The following DPF3 variants were observed in gnomAD, a reference collection of about 807,000 sequenced individuals.
DPF3 encodes zinc finger protein DPF3.
Under a neutral mutation model 56.8 loss-of-function variants are expected in DPF3, and 18 were observed. The ratio of observed to expected loss-of-function variants is 0.32; its 90% CI spans 0.22 to 0.47. The LOEUF is 0.47. Ranked by LOEUF, DPF3 falls within the 20% of genes least tolerant of loss-of-function variation. The pLI is 1.00. For synonymous variants in DPF3, 188 were observed against 180.2 expected (o/e 1.04, Z -0.35); for missense variants, 403 against 488.8 (o/e 0.82, Z 1.65).
intron 1 of DPF3, among the ~76,000 whole-genome samples, chr14:72,800,489 G>C (rs556042096): frequency 1.3e-5 from 2 of 151,842 alleles, no homozygotes; most frequent in East Asian, 3.9e-4. Context: ...TGGATGCTTG[G>C]ATGGATGGAT....
intron 1 of DPF3, chr14:72,806,852 T>C (rs1321240344): frequency 6.6e-6 from 1 of 152,230 alleles, no homozygotes; most frequent in East Asian, 1.9e-4. Flanking sequence ...GATCTCTTTG[T>C]AGACTCCATA....
intron 4 of DPF3, among the ~76,000 whole-genome samples, chr14:72,729,513 C>G (rs1387489364): frequency 1.3e-5 from 2 of 152,062 alleles, no homozygotes; most frequent in Non-Finnish European, 2.9e-5. Flanking sequence ...GTTCTGAGCA[C>G]AGAAATGATA....
chr14:72,863,095 T>C (rs1385790632), intron 1 of DPF3, among the ~76,000 whole-genome samples: 2 of 135,746 alleles, frequency 1.5e-5, no homozygotes, highest in Admixed American at 7.7e-5. Flanking sequence ...TATATATATA[T>C]ATATATGTGT....
At chr14:72,761,313 C>T (rs1891060931) in intron 2 of DPF3, among the ~76,000 whole-genome samples, 1 of 152,040 alleles carries the variant, frequency 6.6e-6, no homozygotes, top group Admixed American at 6.5e-5. Flanking sequence ...AGGTAGACCA[C>T]ATTTGGTGCC....
At position 72,761,146 on chromosome 14, in the gene DPF3, C is replaced by T. The variant is rs374127434; in HGVS notation, c.194-7775G>A. On this transcript the variant is annotated intron_variant, in intron 2 of 10. Coordinates refer to ENST00000556509, the MANE Select transcript of DPF3 (RefSeq NM_001280542.3). ...ACAATTATAGTCATAAGTTTCAATA[C>T]CCTACCTCTCAATGATTCATAGAAT... is the stretch of plus-strand genomic sequence containing the variant. Among the ~76,000 whole-genome samples, 61 of 152,062 alleles carry T rather than the reference C, an allele frequency of 4.0e-4. 1 individual carries two copies. The South Asian group carries it at 0.012, about 31-fold the overall frequency.
At chr14:72,639,649 T>C (rs1424034329) in intron 8 of DPF3, among the ~76,000 whole-genome samples, 3 of 152,092 alleles carry the variant, frequency 2.0e-5, no homozygotes, top group African/African-American at 7.2e-5. Flanking sequence ...AACCCACACG[T>C]GTGGGCTTGG....
intron 1 of DPF3, among the ~76,000 whole-genome samples, chr14:72,800,631 T>C (rs1463021353): frequency 1.3e-5 from 2 of 152,020 alleles, no homozygotes; most frequent in African/African-American, 4.8e-5. Flanking sequence ...GATGGATGCA[T>C]GGATGCACAG....
intron 1 of DPF3, among the ~76,000 whole-genome samples, chr14:72,808,865 T>A (rs1882907126): frequency 6.6e-6 from 1 of 152,182 alleles, no homozygotes; most frequent in African/African-American, 2.4e-5. Context: ...CTAGGAGCAA[T>A]CCTACTAATT....
intron 8 of DPF3, chr14:72,671,104 G>A: frequency 5.0e-6 from 8 of 1,610,746 alleles, no homozygotes; most frequent in Non-Finnish European, 6.8e-6. Context: ...AGAGGGGGAT[G>A]GCTAATTGCC....
intron 8 of DPF3, among the ~76,000 whole-genome samples, chr14:72,654,339 C>T (rs2153568772): frequency 6.6e-6 from 1 of 152,252 alleles, no homozygotes; most frequent in African/African-American, 2.4e-5. Flanking sequence ...TCTACCCCAA[C>T]TCTATGCCTC....
intron 1 of DPF3, among the ~76,000 whole-genome samples, chr14:72,792,412 A>G (rs1892474071): frequency 1.3e-5 from 2 of 150,130 alleles, no homozygotes; most frequent in African/African-American, 2.5e-5. Context: ...AGCAATGGCA[A>G]AAAAAGAAAA....
At chr14:72,831,712 C>T (rs1884068018) in intron 1 of DPF3, among the ~76,000 whole-genome samples, 1 of 152,192 alleles carries the variant, frequency 6.6e-6, no homozygotes, top group Non-Finnish European at 1.5e-5. Context: ...GAAAACATAC[C>T]AAGAAGTGGA....
intron 2 of DPF3, among the ~76,000 whole-genome samples, chr14:72,756,017 T>C (rs1409490016): frequency 6.6e-6 from 1 of 152,144 alleles, no homozygotes; most frequent in Non-Finnish European, 1.5e-5. Context: ...TGCATGTGCA[T>C]GTGTGGTAGA....
At chr14:72,836,403 T>G in intron 1 of DPF3, 1 of 985,534 alleles carries the variant, frequency 1.0e-6, no homozygotes, top group Non-Finnish European at 1.2e-6. Context: ...ACCCCTGGCC[T>G]ACTCCAGCCA....
At chr14:72,650,110 C>T (rs540905047) in intron 8 of DPF3, among the ~76,000 whole-genome samples, 5 of 152,288 alleles carry the variant, frequency 3.3e-5, no homozygotes, top group Admixed American at 2.0e-4. Flanking sequence ...ACAACCCTCC[C>T]GCCCCATCCA....
At chr14:72,698,347 A>G (rs930168305) in intron 6 of DPF3, among the ~76,000 whole-genome samples, 2 of 152,222 alleles carry the variant, frequency 1.3e-5, no homozygotes, top group Non-Finnish European at 2.9e-5. Context: ...GCTTTGTGTT[A>G]GATGATGTTG....
In DPF3 at chr14:72,615,385, A is replaced by G. The variant is rs987011788; in HGVS notation, c.*3912T>C. ...CTCCACTTGCCCCGAAAGGAAAAGT[A>G]ATAACAATCATCTCATTTTTCTTCC... On this transcript the variant is annotated 3_prime_UTR_variant, in exon 11 of 11. Transcript: ENST00000556509. 6.6e-6 allele frequency among the ~76,000 whole-genome samples: 1 copy of G among 152,226 alleles called. No homozygotes were observed. The highest frequency in any genetic ancestry group is 1.5e-5 in the Non-Finnish European group (1 of 68,022).
intron 8 of DPF3, among the ~76,000 whole-genome samples, chr14:72,650,738 G>C (rs977539252): frequency 1.3e-5 from 2 of 152,144 alleles, no homozygotes; most frequent in Non-Finnish European, 2.9e-5. Context: ...GATGGAGCTA[G>C]GGGGTCAGAA....
chr14:72,812,281 C>A (rs1398084953), intron 1 of DPF3, among the ~76,000 whole-genome samples: 1 of 152,154 alleles, frequency 6.6e-6, no homozygotes, highest in Non-Finnish European at 1.5e-5. Context: ...AGGGCAGGTT[C>A]CTGGTAACAG....
Sources: allele counts gnomAD v4.1 joint callset (sites outside exome capture counted in the v4.1 genomes callset), GRCh38; gene constraint gnomAD v4.1.1; transcripts MANE v1.5; gene names NCBI Gene and HGNC (gene_info 2026-07-23, HGNC 2026-07-21).